B3GALNT2: variants seen among roughly 807,000 people sequenced by gnomAD.
B3GALNT2 encodes the protein UDP-GalNAc:beta-1,3-N-acetylgalactosaminyltransferase 2.
In B3GALNT2, 53 loss-of-function variants were observed where a neutral mutation model predicts 61.1. The observed-to-expected ratio is 0.87, with a 90% CI of 0.70 to 1.09. B3GALNT2 has a LOEUF of 1.09. B3GALNT2 is among the 50% of genes least tolerant of loss of function. B3GALNT2 has a pLI of 0.00. For missense variants in B3GALNT2, 544 were observed against 623.0 expected (o/e 0.87, Z 1.35); for synonymous variants, 223 against 237.4 (o/e 0.94, Z 0.56).
intron 2 of B3GALNT2, among the ~76,000 whole-genome samples, chr1:235,493,189 T>C (rs934133688): frequency 6.6e-6 from 1 of 151,970 alleles, no homozygotes; most frequent in African/African-American, 2.4e-5. Context: ...ATTCTGGGTA[T>C]GGTCTAAGCA....
At chr1:235,452,279 TAA>T (rs1682952671) in intron 11 of B3GALNT2, 1 of 152,216 alleles carries the variant, frequency 6.6e-6, no homozygotes, top group Admixed American at 6.5e-5. Flanking sequence ...CTTCTGTTGT[TAA>T]GTTTTAAAGC....
chr1:235,445,764 T>C (rs1261807233), downstream of B3GALNT2, among the ~76,000 whole-genome samples: 1 of 152,192 alleles, frequency 6.6e-6, no homozygotes, highest in Non-Finnish European at 1.5e-5. Context: ...GGAACTACTA[T>C]AAAAAGTTAA....
At chr1:235,496,958 G>A (rs952143684) in intron 1 of B3GALNT2, among the ~76,000 whole-genome samples, 1 of 152,156 alleles carries the variant, frequency 6.6e-6, no homozygotes, top group Non-Finnish European at 1.5e-5. Context: ...CTTTATCACT[G>A]TTCTATTCTA....
intron 5 of B3GALNT2, among the ~76,000 whole-genome samples, chr1:235,476,686 C>T (rs1684297952): frequency 6.6e-6 from 1 of 151,714 alleles, no homozygotes; most frequent in South Asian, 2.1e-4. Context: ...CTTGTCTCTA[C>T]TAAAAAATAC....
At chr1:235,489,338 A>G (rs544927456) in intron 2 of B3GALNT2, 70 bp from the exon 3 acceptor site, 6 of 1,583,864 alleles carry the variant, frequency 3.8e-6, no homozygotes, top group Non-Finnish European at 4.3e-6. Context: ...CCTCATGCCC[A>G]TTTCAGAGCT....
chr1:235,444,038 A>C (rs927104404), downstream of B3GALNT2, among the ~76,000 whole-genome samples: 1 of 152,242 alleles, frequency 6.6e-6, no homozygotes, highest in Non-Finnish European at 1.5e-5. Flanking sequence ...TGAAATACAC[A>C]TCAGCTTAAT....
chr1:235,480,205 G>A lies in B3GALNT2; in HGVS notation c.556-56C>T, dbSNP rs143536835. ...ATACTTCATGTTATACATTGCATAT[G>A]CAAAAAGTTTTCAAACACCTTACTT... On this transcript the variant is annotated intron_variant, in intron 4 of 11. Coordinates refer to ENST00000366600, the MANE Select transcript of B3GALNT2 (RefSeq NM_152490.5). 6,803 of 1,595,628 alleles carry A rather than the reference G, an allele frequency of 4.3e-3. 27 individuals are homozygous for A. The highest frequency in any genetic ancestry group is 7.1e-3 in the South Asian group (629 of 88,700).
At chr1:235,476,851 A>C (rs76023402) in intron 5 of B3GALNT2, among the ~76,000 whole-genome samples, 2 of 146,102 alleles carry the variant, frequency 1.4e-5, no homozygotes, top group African/African-American at 5.0e-5. Flanking sequence ...TGCTGTCTCA[A>C]AAAAAAAAAA....
downstream of B3GALNT2, chr1:235,442,767 T>C: frequency 3.8e-6 from 5 of 1,307,942 alleles, no homozygotes; most frequent in South Asian, 3.7e-5. Context: ...ACCTCTATCA[T>C]TTGGCCATCT....
At position 235,448,825 on chromosome 1, in the gene B3GALNT2, A is replaced by ATGAT; in HGVS notation, c.*1377_*1380dup. 2.5e-6 allele frequency: 3 copies of ATGAT among 1,189,608 alleles called. No homozygotes were observed. The South Asian group carries it at 3.7e-5, about 15-fold the overall frequency. The allele number at this position is 1,189,608 out of a possible 1,614,324, so 73.7% of individuals were successfully genotyped here. On this transcript the variant is annotated 3_prime_UTR_variant, in exon 12 of 12. Transcript: ENST00000366600. Reference sequence around the variant, plus strand: ...CGTGTCTGGGGTTCACCGGAAATAAATGATTCACTGGAACAATTCTACTGT... The same window carrying ATGAT: ...CGTGTCTGGGGTTCACCGGAAATAAATGATTGATTCACTGGAACAATTCTACTGT...
At chr1:235,484,887 C>A (rs1684729482) in intron 3 of B3GALNT2, among the ~76,000 whole-genome samples, 1 of 152,172 alleles carries the variant, frequency 6.6e-6, no homozygotes, top group Non-Finnish European at 1.5e-5. Flanking sequence ...TGACTGTAGT[C>A]ATAAATAATC....
chr1:235,465,569 C>A lies in B3GALNT2; in HGVS notation c.841+67G>T, dbSNP rs757734660. On this transcript the variant is annotated intron_variant, in intron 7 of 11. Coordinates refer to ENST00000366600, the MANE Select transcript of B3GALNT2 (RefSeq NM_152490.5). ...AAGACAAAAAAGAAAAAATCCTTTT[C>A]TCTCAAGTATAAAGATTAAGTATAA... 2.6e-6 allele frequency: 4 copies of A among 1,556,912 alleles called. No individual in the cohort carries two copies. The South Asian group carries it at 3.6e-5, about 14-fold the overall frequency.
intron 10 of B3GALNT2, among the ~76,000 whole-genome samples, chr1:235,453,940 G>A (rs1683047143): frequency 2.6e-5 from 4 of 152,178 alleles, no homozygotes; most frequent in Admixed American, 2.6e-4. Context: ...ATGGGATGCC[G>A]AGTGAGATGA....
chr1:235,493,325 G>T (rs9786986), intron 2 of B3GALNT2, among the ~76,000 whole-genome samples: 28,116 of 152,134 alleles, frequency 0.18, 3,356 homozygotes, highest in East Asian at 0.52. Context: ...AATACTACAG[G>T]AAGTACAGCT....
intron 1 of B3GALNT2, among the ~76,000 whole-genome samples, chr1:235,497,511 A>G (rs1157309333): frequency 6.6e-6 from 1 of 152,266 alleles, no homozygotes; most frequent in Non-Finnish European, 1.5e-5. Flanking sequence ...TTTATCTGAC[A>G]TCATCAGAAA....
rs1685232654 is a variant in B3GALNT2 at position 235,494,711 on chromosome 1, T to A, written c.230A>T (p.His77Leu). Residue 77 changes from histidine to leucine, a missense_variant, in exon 2 of 12, where the codon CAT becomes CTT. Coordinates refer to ENST00000366600, the MANE Select transcript of B3GALNT2 (RefSeq NM_152490.5). ...ACTTAATGTGGGATGCTGTAGCAAA[T>A]GTCTCATCCAGGTGCTTCTTATCAC... ...RNVIRSTWMR[H>L]LLQHPTLSQR... 6.2e-7 allele frequency: 1 copy of A among 1,613,252 alleles called. No individual in the cohort carries two copies. Among genetic ancestry groups the A allele is most frequent in the Non-Finnish European group, 8.5e-7 (1 of 1,179,398 alleles).
Position 235,455,574 on chromosome 1 carries a change from T to C in B3GALNT2, c.1136A>G (p.Asn379Ser). The C allele has an allele frequency of 6.2e-7, 1 of 1,612,934 alleles. No homozygotes were observed. Among genetic ancestry groups the C allele is most frequent in the African/African-American group, 1.3e-5 (1 of 75,004 alleles). The part of the protein sequence containing the change: ...RIVQKNLDGP[N>S]FWWGNFRLNW... ...GTTAACTTACTTTCCCCACCAAAAA[T>C]TAGGCCCATCCAGATTCTTTTGGAC... The change falls in exon 9 of 12, where the codon AAT becomes AGT. Residue 379 changes from asparagine to serine, a missense_variant. Physicochemically the swap from Asn to Ser is conservative, Grantham distance 46. Coordinates refer to ENST00000366600, the MANE Select transcript of B3GALNT2 (RefSeq NM_152490.5).
chr1:235,442,821 C>G (rs756644526), downstream of B3GALNT2: 1 of 1,599,184 alleles, frequency 6.3e-7, no homozygotes, highest in Non-Finnish European at 8.6e-7. Context: ...TAGTAGATAT[C>G]AATTAGTCTT....
At chr1:235,503,039 G>C (rs1441760570) in intron 1 of B3GALNT2, among the ~76,000 whole-genome samples, 1 of 152,232 alleles carries the variant, frequency 6.6e-6, no homozygotes, top group Non-Finnish European at 1.5e-5. Flanking sequence ...AATAGGAAAA[G>C]AGATTGTTAC....
Sources: gnomAD v4.1 joint callset for allele counts (sites outside exome capture counted in the v4.1 genomes callset) on GRCh38, gnomAD v4.1.1 for gene constraint, MANE v1.5 for transcripts, NCBI Gene and HGNC (gene_info 2026-07-23, HGNC 2026-07-21) for gene names.